FAT3: variants seen among roughly 807,000 people sequenced by gnomAD.
FAT3 encodes the protein protocadherin Fat 3.
Under a neutral mutation model 310.2 loss-of-function variants are expected in FAT3, and 95 were observed. That is an observed-to-expected ratio of 0.31 (90% CI 0.26 to 0.36). The LOEUF is 0.36. FAT3 is among the 10% of genes least tolerant of loss of function. The pLI is 1.00. For synonymous variants in FAT3, 2,314 were observed against 2,192.9 expected, an observed-to-expected ratio of 1.06 and a Z score of -1.54; for missense variants, 5,408 against 5,715.6, an observed-to-expected ratio of 0.95 and a Z score of 1.74.
chr11:92,247,296 T>TG (rs1864954244), intron 1 of FAT3, among the ~76,000 whole-genome samples: 1 of 151,812 alleles, frequency 6.6e-6, no homozygotes, highest in Admixed American at 6.6e-5. Context: ...GCCTTAACTT[T>TG]GGGTACATGG....
chr11:92,371,190 G>T (rs1195994329), intron 2 of FAT3, among the ~76,000 whole-genome samples: 1 of 152,212 alleles, frequency 6.6e-6, no homozygotes, highest in Non-Finnish European at 1.5e-5. Context: ...TGTGCCAGGT[G>T]TTAAATAAGT....
intron 6 of FAT3, among the ~76,000 whole-genome samples, chr11:92,771,258 C>A (rs1428017735): frequency 5.3e-5 from 8 of 152,152 alleles, no homozygotes; most frequent in Non-Finnish European, 1.5e-5. Context: ...AAGCGGAATG[C>A]TGCTAGTGAA....
At chr11:92,285,537 CT>C (rs1371405022) in intron 1 of FAT3, among the ~76,000 whole-genome samples, 2 of 152,098 alleles carry the variant, frequency 1.3e-5, no homozygotes, top group Non-Finnish European at 2.9e-5. Flanking sequence ...TCTTACAACA[CT>C]ATTGTAGCTC....
chr11:92,512,901 TCACGAG>T, intron 2 of FAT3, among the ~76,000 whole-genome samples: 3 of 96,490 alleles, frequency 3.1e-5, no homozygotes, highest in African/African-American at 1.4e-4. Context: ...GGCGGGCGGA[TCACGAG>T]GTCAGGAGAT....
At chr11:92,650,551 G>C (rs1350467) in intron 3 of FAT3, among the ~76,000 whole-genome samples, 23,377 of 152,078 alleles carry the variant, frequency 0.15, 1,959 homozygotes, top group African/African-American at 0.2. Flanking sequence ...ATAAGAATTG[G>C]CTCTTTAACA....
At chr11:92,594,177 G>T (rs1310665717) in intron 3 of FAT3, among the ~76,000 whole-genome samples, 1 of 152,128 alleles carries the variant, frequency 6.6e-6, no homozygotes, top group Non-Finnish European at 1.5e-5. Context: ...GGGCAGTGGT[G>T]CATGCCTGTA....
intron 3 of FAT3, among the ~76,000 whole-genome samples, chr11:92,620,433 C>T (rs909753634): frequency 4.6e-5 from 7 of 152,168 alleles, no homozygotes; most frequent in Admixed American, 2.0e-4. Flanking sequence ...TGTTCCATGG[C>T]ACATGTACTT....
chr11:92,761,951 A>G lies in FAT3; in HGVS notation c.3765A>G (p.Pro1255=), dbSNP rs1196585661. The G allele has an allele frequency of 6.2e-7, 1 of 1,614,006 alleles. No individual in the cohort carries two copies. The change falls in exon 5 of 28, where the codon CCA becomes CCG. Residue 1255 remains proline, a synonymous_variant. Coordinates refer to ENST00000525166, the MANE Select transcript of FAT3 (RefSeq NM_001367949.2). ...LDENDNKPQF[P]EKVYQIKLPE... ...AAAATGACAACAAGCCCCAGTTCCC[A>G]GAGAAGGTCTACCAGATCAAGCTGC...
chr11:92,413,450 C>G (rs1950339985), intron 2 of FAT3, among the ~76,000 whole-genome samples: 1 of 152,120 alleles, frequency 6.6e-6, no homozygotes, highest in Non-Finnish European at 1.5e-5. Context: ...TCAAAGAGCC[C>G]TAGTTTATTT....
chr11:92,311,011 TATACACATATATGTATATATATAC>T (rs1202019609), intron 1 of FAT3, among the ~76,000 whole-genome samples: 2 of 151,552 alleles, frequency 1.3e-5, no homozygotes, highest in Admixed American at 6.6e-5. Flanking sequence ...TATGTATATA[TATACACATATATGTATATATATAC>T]ATACACATAT....
intron 6 of FAT3, among the ~76,000 whole-genome samples, chr11:92,765,830 T>C (rs1175082273): frequency 2.6e-5 from 4 of 152,020 alleles, no homozygotes; most frequent in South Asian, 2.1e-4. Context: ...GCTTTTGAGG[T>C]ATGTGGGCTT....
Position 92,895,019 on chromosome 11 carries a change from T to A in FAT3, c.*3906T>A, listed in dbSNP as rs1325995510. On this transcript the variant is annotated 3_prime_UTR_variant, in exon 28 of 28. Transcript: ENST00000525166. The stretch of plus-strand genomic sequence containing the variant: ...GAAAAGAGATTATCAAAATAAATTA[T>A]TAAAATCCAGAAAACAGTTTTATGT... 1 of 152,206 alleles carries A rather than the reference T, an allele frequency of 6.6e-6. No homozygotes were observed. Among genetic ancestry groups the A allele is most frequent in the African/African-American group, 2.4e-5 (1 of 41,458 alleles). The allele number at this position is 152,206 out of a possible 1,614,324, so 9.4% of individuals were successfully genotyped here.
At chr11:92,629,939 A>G (rs1218965823) in intron 3 of FAT3, among the ~76,000 whole-genome samples, 3 of 152,182 alleles carry the variant, frequency 2.0e-5, no homozygotes, top group Non-Finnish European at 4.4e-5. Flanking sequence ...GTTGATTCAG[A>G]AGATTCAGGG....
chr11:92,742,525 G>A (rs1945535692), intron 4 of FAT3, among the ~76,000 whole-genome samples: 2 of 152,220 alleles, frequency 1.3e-5, no homozygotes, highest in Admixed American at 1.3e-4. Flanking sequence ...AATCCCCAAT[G>A]CAACCATGTC....
intron 1 of FAT3, among the ~76,000 whole-genome samples, chr11:92,237,636 C>T (rs1024730666): frequency 2.0e-5 from 3 of 152,066 alleles, no homozygotes; most frequent in African/African-American, 4.8e-5. Flanking sequence ...CCTTTGGTGT[C>T]ACAGAAGACC....
At chr11:92,571,230 A>G (rs1955654796) in intron 3 of FAT3, among the ~76,000 whole-genome samples, 1 of 152,128 alleles carries the variant, frequency 6.6e-6, no homozygotes, top group African/African-American at 2.4e-5. Context: ...GATGGACAAG[A>G]TACATATGGT....
At chr11:92,793,875 TGAA>T (rs1486844119) in intron 9 of FAT3, among the ~76,000 whole-genome samples, 1 of 152,104 alleles carries the variant, frequency 6.6e-6, no homozygotes, top group East Asian at 1.9e-4. Flanking sequence ...AATTAAAATA[TGAA>T]TGCTAGAATG....
intron 3 of FAT3, among the ~76,000 whole-genome samples, chr11:92,626,375 C>T (rs1253624379): frequency 6.6e-6 from 1 of 151,810 alleles, no homozygotes; most frequent in Non-Finnish European, 1.5e-5. Context: ...TGAGAGAGAT[C>T]CAAAAAATAA....
At chr11:92,497,238 C>A (rs1052475045) in intron 2 of FAT3, among the ~76,000 whole-genome samples, 1 of 152,008 alleles carries the variant, frequency 6.6e-6, no homozygotes, top group Non-Finnish European at 1.5e-5. Flanking sequence ...CCACAACCCC[C>A]TTTCTGCTGC....
Sources: gnomAD v4.1 joint callset for allele counts (sites outside exome capture counted in the v4.1 genomes callset) on GRCh38, gnomAD v4.1.1 for gene constraint, MANE v1.5 for transcripts, NCBI Gene and HGNC (gene_info 2026-07-23, HGNC 2026-07-21) for gene names.